The following LOC128462377 variants were observed in gnomAD, a reference collection of about 807,000 sequenced individuals.
the LOC128462377 span, among the ~76,000 whole-genome samples, chr16:89,334,172 A>AAAAAGAG: frequency 6.7e-6 from 1 of 148,974 alleles, no homozygotes; most frequent in African/African-American, 2.5e-5. Flanking sequence ...AAAAAAAAAA[A>AAAAAGAG]ACAGAGAGAG....
the LOC128462377 span, among the ~76,000 whole-genome samples, chr16:89,389,911 T>C: frequency 2.4e-5 from 1 of 41,502 alleles, no homozygotes; most frequent in Non-Finnish European, 4.3e-5. Flanking sequence ...CCGAGAGAGA[T>C]CACTGGGGCG....
At chr16:89,377,474 C>A in the LOC128462377 span, among the ~76,000 whole-genome samples, 1 of 129,458 alleles carries the variant, frequency 7.7e-6, no homozygotes, top group Non-Finnish European at 1.6e-5. Flanking sequence ...ACATGTGGGC[C>A]GGGGCAGGAG....
At chr16:89,405,658 T>C in the LOC128462377 span, among the ~76,000 whole-genome samples, 1 of 152,094 alleles carries the variant, frequency 6.6e-6, no homozygotes, top group Non-Finnish European at 1.5e-5. Flanking sequence ...CCTATCAGCC[T>C]TCCTGACTGC....
chr16:89,369,040 C>G, the LOC128462377 span, among the ~76,000 whole-genome samples: 3 of 152,114 alleles, frequency 2.0e-5, no homozygotes, highest in Non-Finnish European at 4.4e-5. Context: ...AGAGACCCCC[C>G]ACTGGCACCC....
the LOC128462377 span, among the ~76,000 whole-genome samples, chr16:89,416,863 C>A: frequency 6.6e-6 from 1 of 152,170 alleles, no homozygotes; most frequent in Non-Finnish European, 1.5e-5. Context: ...AGAGGCACAG[C>A]TCAGACCCTG....
At chr16:89,395,241 A>C in the LOC128462377 span, among the ~76,000 whole-genome samples, 1 of 152,248 alleles carries the variant, frequency 6.6e-6, no homozygotes, top group African/African-American at 2.4e-5. Flanking sequence ...AAGCCAAGTA[A>C]ACTGGCTGAG....
chr16:89,384,879 C>CTTTTTTTCTTTTT, the LOC128462377 span, among the ~76,000 whole-genome samples: 1 of 49,910 alleles, frequency 2.0e-5, no homozygotes, highest in African/African-American at 7.9e-5. Flanking sequence ...AAATAGTTTT[C>CTTTTTTTCTTTTT]TTTTTTTTTT....
chr16:89,400,874 C>T, the LOC128462377 span, among the ~76,000 whole-genome samples: 1 of 152,134 alleles, frequency 6.6e-6, no homozygotes, highest in East Asian at 1.9e-4. Flanking sequence ...ACCAGCTGCA[C>T]ACACCTTGGA....
the LOC128462377 span, among the ~76,000 whole-genome samples, chr16:89,353,274 G>A: frequency 1.3e-5 from 2 of 151,720 alleles, no homozygotes; most frequent in African/African-American, 2.4e-5. Flanking sequence ...CTCAGGAGGC[G>A]GAGGTTGCAG....
At chr16:89,348,731 A>G in the LOC128462377 span, among the ~76,000 whole-genome samples, 1 of 152,194 alleles carries the variant, frequency 6.6e-6, no homozygotes, top group Non-Finnish European at 1.5e-5. Flanking sequence ...ATTTATTGGC[A>G]TAAAGTTAAC....
chr16:89,335,224 G>C, the LOC128462377 span, among the ~76,000 whole-genome samples: 7 of 152,182 alleles, frequency 4.6e-5, no homozygotes, highest in Non-Finnish European at 8.8e-5. Flanking sequence ...GTTCCATGCA[G>C]GCTGGGAGAC....
chr16:89,356,900 C>T, the LOC128462377 span, among the ~76,000 whole-genome samples: 4 of 152,204 alleles, frequency 2.6e-5, no homozygotes, highest in African/African-American at 9.7e-5. Context: ...GGCCCTGTGG[C>T]TGTAATCTCC....
the LOC128462377 span, among the ~76,000 whole-genome samples, chr16:89,337,429 CTTTTTTTTTTTTT>C: frequency 0.018 from 977 of 53,214 alleles, 108 homozygotes; most frequent in Admixed American, 0.21. Flanking sequence ...CTAAGCAATT[CTTTTTTTTTTTTT>C]TTTTTTTTTT....
chr16:89,321,500 G>C, the LOC128462377 span, among the ~76,000 whole-genome samples: 120 of 151,982 alleles, frequency 7.9e-4, 1 homozygote, highest in Middle Eastern at 3.4e-3. Flanking sequence ...CCGCAGCTGC[G>C]GGGCAGGGGC....
At chr16:89,381,809 G>A in the LOC128462377 span, among the ~76,000 whole-genome samples, 1 of 152,158 alleles carries the variant, frequency 6.6e-6, no homozygotes, top group African/African-American at 2.4e-5. Flanking sequence ...TTGACCCCAC[G>A]CGAATGGGGG....
chr16:89,386,630 G>A, the LOC128462377 span, among the ~76,000 whole-genome samples: 1 of 152,204 alleles, frequency 6.6e-6, no homozygotes, highest in Non-Finnish European at 1.5e-5. Flanking sequence ...AGTCAAGACA[G>A]AATCACAAAT....
At chr16:89,411,491 A>G in the LOC128462377 span, among the ~76,000 whole-genome samples, 3 of 152,098 alleles carry the variant, frequency 2.0e-5, no homozygotes, top group Non-Finnish European at 4.4e-5. Context: ...ATAGCTCACT[A>G]CAACCTCTGC....
the LOC128462377 span, chr16:89,320,204 C>T: frequency 8.5e-5 from 13 of 152,336 alleles, no homozygotes; most frequent in Admixed American, 6.5e-4. Context: ...TAGACAGTTC[C>T]GCAGCCCCTG....
chr16:89,408,749 C>T, the LOC128462377 span, among the ~76,000 whole-genome samples: 1 of 152,170 alleles, frequency 6.6e-6, no homozygotes. Flanking sequence ...CACTGATCAG[C>T]CGTGGAATCC....
Sources: allele counts gnomAD v4.1 joint callset (sites outside exome capture counted in the v4.1 genomes callset), GRCh38; gene constraint gnomAD v4.1.1; transcripts MANE v1.5.